Variants in TRAPPC9 observed in about 807,000 individuals in gnomAD.
TRAPPC9 encodes IKK2 binding protein.
TRAPPC9 carries 83 observed loss-of-function variants against 124.0 expected under a neutral mutation model. That is an observed-to-expected ratio of 0.67 (90% CI 0.56 to 0.80). TRAPPC9 has a LOEUF of 0.80. Ranked by LOEUF, TRAPPC9 falls within the 30% of genes least tolerant of loss-of-function variation. The probability of loss-of-function intolerance (pLI) is 0.00; values close to 1 mark genes in which losing one functional copy is unlikely to be tolerated. For synonymous variants in TRAPPC9, 638 were observed against 617.5 expected, an observed-to-expected ratio of 1.03 and a Z score of -0.49; for missense variants, 1,302 against 1,508.3, an observed-to-expected ratio of 0.86 and a Z score of 2.27.
intron 19 of TRAPPC9, among the ~76,000 whole-genome samples, chr8:139,938,427 G>A (rs1833682458): frequency 1.3e-5 from 2 of 151,704 alleles, no homozygotes; most frequent in Admixed American, 1.3e-4. Context: ...TGGGACTACA[G>A]GCGCCCACCA....
intron 18 of TRAPPC9, among the ~76,000 whole-genome samples, chr8:139,997,454 G>T (rs962040997): frequency 6.7e-6 from 1 of 148,664 alleles, no homozygotes; most frequent in Non-Finnish European, 1.5e-5. Context: ...CCACACAGAG[G>T]AGACAATATA....
chr8:139,738,659 G>T (rs1298571045), intron 21 of TRAPPC9, among the ~76,000 whole-genome samples: 2 of 152,206 alleles, frequency 1.3e-5, no homozygotes, highest in Non-Finnish European at 2.9e-5. Flanking sequence ...ACACGGCGGG[G>T]TTATGTGCTG....
At chr8:140,370,753 A>G (rs1156743504) in intron 8 of TRAPPC9, among the ~76,000 whole-genome samples, 1 of 152,236 alleles carries the variant, frequency 6.6e-6, no homozygotes, top group Non-Finnish European at 1.5e-5. Flanking sequence ...TCCCACTGAT[A>G]AAGATTCAAG....
intron 17 of TRAPPC9, among the ~76,000 whole-genome samples, chr8:140,169,423 G>A (rs910566606): frequency 2.0e-5 from 3 of 152,158 alleles, no homozygotes; most frequent in Non-Finnish European, 2.9e-5. Context: ...GCAATTCCAC[G>A]GAGAGGTACA....
At position 140,451,795 on chromosome 8, in the gene TRAPPC9, G is replaced by C. The variant is rs559231685; in HGVS notation, c.-10-412C>G. 4.1e-4 allele frequency among the ~76,000 whole-genome samples: 62 copies of C among 152,246 alleles called. 1 individual carries two copies. In the South Asian group the frequency reaches 6.0e-3, roughly 15 times the overall value. ...CTGGATTTGAATTCCGGGCTCCCTG[G>C]AACTCCTCAGCTACAAAATAGTGGT... On this transcript the variant is annotated intron_variant, in intron 1 of 22. Coordinates refer to ENST00000438773, the MANE Select transcript of TRAPPC9 (RefSeq NM_001160372.4).
intron 17 of TRAPPC9, among the ~76,000 whole-genome samples, chr8:140,183,863 AAGAAGAAGAAG>A (rs1444767189): frequency 3.4e-5 from 1 of 29,140 alleles, no homozygotes; most frequent in Admixed American, 4.4e-4. Context: ...AAAAAAAAAA[AAGAAGAAGAAG>A]AAGAAGAAGA....
intron 17 of TRAPPC9, among the ~76,000 whole-genome samples, chr8:140,033,725 A>T (rs1434067579): frequency 9.1e-6 from 1 of 110,198 alleles, no homozygotes; most frequent in East Asian, 3.1e-4. Flanking sequence ...TCTGTCGCCC[A>T]GGCTGGAGTG....
chr8:140,368,298 G>A (rs2068180382), intron 8 of TRAPPC9, among the ~76,000 whole-genome samples: 1 of 152,158 alleles, frequency 6.6e-6, no homozygotes, highest in South Asian at 2.1e-4. Flanking sequence ...CTTGCTTTGT[G>A]CTGGACACCA....
At chr8:140,019,848 G>A (rs1839720211) in intron 18 of TRAPPC9, among the ~76,000 whole-genome samples, 1 of 151,576 alleles carries the variant, frequency 6.6e-6, no homozygotes, top group Non-Finnish European at 1.5e-5. Context: ...CACCACGCCT[G>A]GCCGTCATTT....
At chr8:139,839,057 G>A (rs1826555720) in intron 21 of TRAPPC9, among the ~76,000 whole-genome samples, 1 of 152,154 alleles carries the variant, frequency 6.6e-6, no homozygotes, top group African/African-American at 2.4e-5. Flanking sequence ...ACGCCAGACG[G>A]TATCCTAGGG....
At chr8:140,428,563 C>T (rs997281696) in intron 4 of TRAPPC9, among the ~76,000 whole-genome samples, 6 of 152,118 alleles carry the variant, frequency 3.9e-5, no homozygotes, top group Admixed American at 1.3e-4. Context: ...AGCCTCACAC[C>T]ATCACCCCTG....
chr8:140,018,020 T>A (rs1229458745), intron 18 of TRAPPC9, among the ~76,000 whole-genome samples: 1 of 152,104 alleles, frequency 6.6e-6, no homozygotes, highest in East Asian at 1.9e-4. Context: ...ATTTTTGTAT[T>A]TTTTAGCAGA....
intron 16 of TRAPPC9, among the ~76,000 whole-genome samples, chr8:140,243,343 G>C (rs1353990183): frequency 1.3e-5 from 2 of 152,342 alleles, no homozygotes; most frequent in Middle Eastern, 3.4e-3. Context: ...AGAGGAAAGA[G>C]GGGAAGCAGA....
At chr8:139,745,439 G>C (rs1328403263) in intron 21 of TRAPPC9, among the ~76,000 whole-genome samples, 1 of 152,274 alleles carries the variant, frequency 6.6e-6, no homozygotes, top group African/African-American at 2.4e-5. Context: ...ACACCCAGGA[G>C]AGCTGAGAAA....
intron 21 of TRAPPC9, among the ~76,000 whole-genome samples, chr8:139,754,807 C>G (rs1000182325): frequency 6.6e-6 from 1 of 152,258 alleles, no homozygotes; most frequent in Non-Finnish European, 1.5e-5. Context: ...AGGTCTCCTG[C>G]TGGTGCAAAA....
chr8:140,320,714 C>T (rs762745031), intron 9 of TRAPPC9, among the ~76,000 whole-genome samples: 3 of 152,202 alleles, frequency 2.0e-5, no homozygotes, highest in Non-Finnish European at 2.9e-5. Context: ...TTAACAAATA[C>T]GGTGTCATTG....
chr8:140,289,859 C>T (rs894397090), intron 12 of TRAPPC9, among the ~76,000 whole-genome samples: 8 of 152,200 alleles, frequency 5.3e-5, no homozygotes, highest in African/African-American at 1.7e-4. Context: ...GCGCTCCTCC[C>T]GAGCGCACCT....
intron 16 of TRAPPC9, among the ~76,000 whole-genome samples, chr8:140,242,358 A>C (rs1338991981): frequency 6.6e-6 from 1 of 152,142 alleles, no homozygotes; most frequent in Non-Finnish European, 1.5e-5. Context: ...AGAGGGAGAG[A>C]AGATGGAGGG....
intron 9 of TRAPPC9, among the ~76,000 whole-genome samples, chr8:140,311,764 G>A (rs527888904): frequency 6.6e-6 from 1 of 152,226 alleles, no homozygotes; most frequent in African/African-American, 2.4e-5. Flanking sequence ...GGACCTGTCT[G>A]TCCCTCAGGA....
Sources: gnomAD v4.1 joint callset for allele counts (sites outside exome capture counted in the v4.1 genomes callset) on GRCh38, gnomAD v4.1.1 for gene constraint, MANE v1.5 for transcripts, NCBI Gene and HGNC (gene_info 2026-07-23, HGNC 2026-07-21) for gene names.